The following CYRIA variants were observed in gnomAD, a reference collection of about 807,000 sequenced individuals.
CYRIA encodes the protein CYFIP-related Rac1 interactor A.
A neutral mutation model predicts 43.9 loss-of-function variants in CYRIA; 15 were observed. The ratio of observed to expected loss-of-function variants is 0.34; its 90% confidence interval spans 0.23 to 0.53. CYRIA has a LOEUF of 0.53. Among genes scored for constraint, CYRIA ranks in the 20% least tolerant of loss-of-function variants. The pLI is 0.94. For missense variants in CYRIA, 236 were observed against 394.2 expected (o/e 0.60, Z 3.40); for synonymous variants, 117 against 136.0 (o/e 0.86, Z 0.97).
intron 3 of CYRIA, among the ~76,000 whole-genome samples, chr2:16,587,731 G>A (rs148044816): frequency 6.6e-6 from 1 of 151,972 alleles, no homozygotes; most frequent in Non-Finnish European, 1.5e-5. Context: ...GTGAATAGGA[G>A]TTTCACGAGA....
At chr2:16,555,940 G>C (rs62122694) in intron 10 of CYRIA, among the ~76,000 whole-genome samples, 1 of 152,112 alleles carries the variant, frequency 6.6e-6, no homozygotes, top group South Asian at 2.1e-4. Flanking sequence ...ACCTAGGCAA[G>C]TGTCTTAGCT....
chr2:16,626,899 G>C (rs1490312082), intron 1 of CYRIA, among the ~76,000 whole-genome samples: 1 of 152,212 alleles, frequency 6.6e-6, no homozygotes, highest in African/African-American at 2.4e-5. Flanking sequence ...GCACCTGGCA[G>C]CCAGTGAAAT....
chr2:16,579,243 C>T (rs889395153), intron 3 of CYRIA, among the ~76,000 whole-genome samples: 68 of 152,064 alleles, frequency 4.5e-4, no homozygotes, highest in African/African-American at 1.6e-3. Context: ...CAGATAAAAG[C>T]TCAAAGAATT....
chr2:16,620,559 AG>A (rs1668959850), intron 2 of CYRIA, among the ~76,000 whole-genome samples: 1 of 152,226 alleles, frequency 6.6e-6, no homozygotes, highest in African/African-American at 2.4e-5. Context: ...TTAAGGAACC[AG>A]GGTTTCAAAT....
At chr2:16,619,350 C>T (rs1862061) in intron 2 of CYRIA, among the ~76,000 whole-genome samples, 28,661 of 152,076 alleles carry the variant, frequency 0.19, 3,554 homozygotes, top group East Asian at 0.64. Flanking sequence ...TACACACGTA[C>T]ATAAAACCCT....
chr2:16,553,967 A>G (rs1459791467), intron 11 of CYRIA, among the ~76,000 whole-genome samples: 2 of 152,166 alleles, frequency 1.3e-5, no homozygotes, highest in African/African-American at 4.8e-5. Flanking sequence ...AGGCTCTTAC[A>G]TTAATACTAA....
chr2:16,586,384 T>G (rs2103455743), intron 3 of CYRIA, among the ~76,000 whole-genome samples: 1 of 152,176 alleles, frequency 6.6e-6, no homozygotes, highest in Admixed American at 6.5e-5. Context: ...AACATATATG[T>G]GTGTGTGTGG....
intron 2 of CYRIA, among the ~76,000 whole-genome samples, chr2:16,615,144 C>T (rs1333860033): frequency 6.6e-6 from 1 of 152,218 alleles, no homozygotes; most frequent in Non-Finnish European, 1.5e-5. Flanking sequence ...GAGACTGGCA[C>T]CCACCTGGGA....
Position 16,577,987 on chromosome 2 carries a change from C to A in CYRIA, c.70+10063G>T, listed in dbSNP as rs539426628. Among the ~76,000 whole-genome samples the A allele has an allele frequency of 3.3e-5, 5 of 152,292 alleles. No individual in the cohort carries two copies. In the South Asian group the frequency reaches 1.0e-3, roughly 32 times the overall value. ...GAGCAGAAAAATGAAGAGAAAGCCA[C>A]CAGCCACTCTCCAGTAAGTAAAGAA... is the stretch of plus-strand genomic sequence containing the variant. On this transcript the variant is annotated intron_variant, in intron 3 of 11. Coordinates refer to ENST00000381323, the MANE Select transcript of CYRIA (RefSeq NM_030797.4).
At chr2:16,665,690 G>A (rs1670373269) in intron 1 of CYRIA, 90 bp downstream of exon 1, 1 of 147,502 alleles carries the variant, frequency 6.8e-6, no homozygotes, top group Non-Finnish European at 1.5e-5. Flanking sequence ...CCCGCCTCGC[G>A]GTGCCCCGCG....
intron 3 of CYRIA, among the ~76,000 whole-genome samples, chr2:16,584,408 A>G (rs1341712698): frequency 6.6e-6 from 1 of 152,204 alleles, no homozygotes; most frequent in Non-Finnish European, 1.5e-5. Flanking sequence ...CCCTGCCTCC[A>G]GGAATCTCAG....
At chr2:16,640,118 C>T (rs994432156) in intron 1 of CYRIA, among the ~76,000 whole-genome samples, 4 of 152,212 alleles carry the variant, frequency 2.6e-5, no homozygotes, top group Non-Finnish European at 2.9e-5. Context: ...CGCATGCATG[C>T]GCCTGCACGC....
chr2:16,623,118 C>T (rs535451497), intron 2 of CYRIA: 1 of 152,254 alleles, frequency 6.6e-6, no homozygotes, highest in East Asian at 1.9e-4. Flanking sequence ...GACTCCTGAC[C>T]ATGATTCCTT....
At chr2:16,632,367 C>T (rs1669351091) in intron 1 of CYRIA, among the ~76,000 whole-genome samples, 1 of 152,184 alleles carries the variant, frequency 6.6e-6, no homozygotes, top group Non-Finnish European at 1.5e-5. Context: ...TGTTCAAACC[C>T]AACAGGAATA....
intron 1 of CYRIA, among the ~76,000 whole-genome samples, chr2:16,658,954 C>T (rs1670181536): frequency 1.3e-5 from 2 of 152,178 alleles, no homozygotes; most frequent in Non-Finnish European, 2.9e-5. Flanking sequence ...CAACTGGGAG[C>T]GATCCACAGC....
At chr2:16,603,250 C>T (rs900987188) in intron 2 of CYRIA, among the ~76,000 whole-genome samples, 3 of 152,224 alleles carry the variant, frequency 2.0e-5, no homozygotes, top group African/African-American at 7.2e-5. Flanking sequence ...CTTGCACATG[C>T]TGCTCTGTCT....
At chr2:16,614,686 C>T (rs1668720049) in intron 2 of CYRIA, among the ~76,000 whole-genome samples, 1 of 152,200 alleles carries the variant, frequency 6.6e-6, no homozygotes, top group African/African-American at 2.4e-5. Context: ...CTCAGCTACA[C>T]AAAATAATCT....
chr2:16,642,876 G>C (rs1669715361), intron 1 of CYRIA, among the ~76,000 whole-genome samples: 1 of 152,010 alleles, frequency 6.6e-6, no homozygotes, highest in Non-Finnish European at 1.5e-5. Flanking sequence ...CAACTGCAAT[G>C]GCCTTCCCTG....
chr2:16,610,053 T>A (rs564112502), intron 2 of CYRIA, among the ~76,000 whole-genome samples: 5 of 152,312 alleles, frequency 3.3e-5, no homozygotes, highest in South Asian at 4.1e-4. Flanking sequence ...CAACAAAAAA[T>A]GCAATTGAGT....
Sources: gnomAD v4.1 joint callset for allele counts (sites outside exome capture counted in the v4.1 genomes callset) on GRCh38, gnomAD v4.1.1 for gene constraint, MANE v1.5 for transcripts, NCBI Gene and HGNC (gene_info 2026-07-23, HGNC 2026-07-21) for gene names.